Variants in CLVS1 observed in about 807,000 individuals in gnomAD.
The protein encoded by CLVS1 is clavesin 1.
In CLVS1, 10 loss-of-function variants were observed where a neutral mutation model predicts 33.1. The observed-to-expected ratio is 0.30, with a 90% CI of 0.19 to 0.51. The LOEUF (loss-of-function observed/expected upper bound fraction) is 0.51, where lower values mean the gene tolerates loss of function less well. Ranked by LOEUF, CLVS1 falls within the 20% of genes least tolerant of loss-of-function variation. The pLI is 0.97. For synonymous variants in CLVS1, 163 were observed against 166.1 expected, an observed-to-expected ratio of 0.98 and a Z score of 0.14; for missense variants, 343 against 433.4, an observed-to-expected ratio of 0.79 and a Z score of 1.85.
intron 2 of CLVS1, among the ~76,000 whole-genome samples, chr8:61,211,129 C>T (rs1370274781): frequency 2.0e-5 from 3 of 152,030 alleles, no homozygotes; most frequent in African/African-American, 7.3e-5. Context: ...ATGTACGAAT[C>T]GTGGGGGACC....
At chr8:61,283,804 T>TA (rs1809721891), upstream of CLVS1, among the ~76,000 whole-genome samples, 1 of 152,158 alleles carries the variant, frequency 6.6e-6, no homozygotes, top group Non-Finnish European at 1.5e-5. Flanking sequence ...AGTGCTGAAT[T>TA]AAAAAATAAA....
Position 61,263,087 on chromosome 8 carries a change from G to A in CLVS1, c.-151-36590G>A, listed in dbSNP as rs760200965. Among the ~76,000 whole-genome samples, 110 of 152,250 alleles carry A rather than the reference G, an allele frequency of 7.2e-4. 2 individuals carry two copies. In the Middle Eastern group the frequency reaches 0.031, roughly 42 times the overall value. On this transcript the variant is annotated intron_variant, in intron 2 of 2. Transcript: ENST00000522621. ...GAGCCAGAAAGAGTCACCTCCCTGG[G>A]AAACTTGATAGATGAAAAATGACCC...
chr8:61,432,720 T>C (rs1284040008), intron 3 of CLVS1, among the ~76,000 whole-genome samples: 4 of 152,152 alleles, frequency 2.6e-5, no homozygotes, highest in Non-Finnish European at 5.9e-5. Context: ...ATAACAAAAA[T>C]CTTATACTTG....
intron 3 of CLVS1, among the ~76,000 whole-genome samples, chr8:61,424,060 C>T (rs1023672381): frequency 3.3e-5 from 5 of 152,188 alleles, no homozygotes; most frequent in Non-Finnish European, 5.9e-5. Context: ...CATGCACACA[C>T]GCATACAGTA....
At chr8:60,970,930 A>T in the CLVS1 span, among the ~76,000 whole-genome samples, 1 of 151,486 alleles carries the variant, frequency 6.6e-6, no homozygotes, top group Non-Finnish European at 1.5e-5. Context: ...TTTATTTTCC[A>T]TCTCAGTCCT....
chr8:61,309,443 TC>T (rs1810757280), intron 2 of CLVS1, among the ~76,000 whole-genome samples: 1 of 152,170 alleles, frequency 6.6e-6, no homozygotes, highest in South Asian at 2.1e-4. Flanking sequence ...TTCTCTCACC[TC>T]CAAACCCCTC....
chr8:61,490,587 G>T (rs1226048885), intron 5 of CLVS1, among the ~76,000 whole-genome samples: 1 of 150,600 alleles, frequency 6.6e-6, no homozygotes, highest in Non-Finnish European at 1.5e-5. Context: ...AGAATCCAGG[G>T]GCGGAGACTG....
intron 2 of CLVS1, among the ~76,000 whole-genome samples, chr8:61,303,365 T>C (rs1352215920): frequency 6.6e-6 from 1 of 152,208 alleles, no homozygotes; most frequent in Non-Finnish European, 1.5e-5. Context: ...CTCAATTCTC[T>C]CTTGTGTAAA....
At chr8:61,259,963 C>A (rs1418457669) in intron 2 of CLVS1, among the ~76,000 whole-genome samples, 1 of 152,164 alleles carries the variant, frequency 6.6e-6, no homozygotes, top group East Asian at 1.9e-4. Context: ...CGTGGCATAG[C>A]CCTGCAGTAA....
chr8:61,465,121 TAA>T (rs1200228947), intron 5 of CLVS1: 1 of 152,350 alleles, frequency 6.6e-6, no homozygotes, highest in Non-Finnish European at 1.5e-5. Flanking sequence ...GTGGCCTTGT[TAA>T]AAAGCACTTG....
intron 2 of CLVS1, among the ~76,000 whole-genome samples, chr8:61,232,644 TA>T (rs1318212387): frequency 6.6e-6 from 1 of 152,204 alleles, no homozygotes; most frequent in Non-Finnish European, 1.5e-5. Context: ...ATAGTCTTCT[TA>T]ATATATGGAT....
At chr8:61,231,951 G>A (rs1481292303) in intron 2 of CLVS1, among the ~76,000 whole-genome samples, 1 of 150,760 alleles carries the variant, frequency 6.6e-6, no homozygotes, top group Non-Finnish European at 1.5e-5. Flanking sequence ...GTATTTTGCT[G>A]AAGTAACATT....
the CLVS1 span, among the ~76,000 whole-genome samples, chr8:61,034,506 T>C: frequency 6.6e-6 from 1 of 152,156 alleles, no homozygotes; most frequent in Admixed American, 6.5e-5. Flanking sequence ...TGAAACTTTG[T>C]ACCATTTGAC....
At chr8:61,111,764 C>CT (rs1214663284) in intron 1 of CLVS1, among the ~76,000 whole-genome samples, 2 of 144,944 alleles carry the variant, frequency 1.4e-5, no homozygotes, top group Non-Finnish European at 3.0e-5. Context: ...TATTACCCTT[C>CT]TTTAAAAAAA....
At chr8:61,073,884 C>T (rs758867464) in intron 1 of CLVS1, among the ~76,000 whole-genome samples, 37 of 151,478 alleles carry the variant, frequency 2.4e-4, no homozygotes, top group Non-Finnish European at 4.6e-4. Flanking sequence ...AGGTGGCGGG[C>T]GCCTGTAGTC....
intron 2 of CLVS1, among the ~76,000 whole-genome samples, chr8:61,331,270 TC>T (rs1249112244): frequency 6.6e-6 from 1 of 152,172 alleles, no homozygotes; most frequent in Non-Finnish European, 1.5e-5. Flanking sequence ...TCTGTTTTTT[TC>T]TGGAGCCTTT....
chr8:61,129,154 G>T (rs962955717), intron 1 of CLVS1, among the ~76,000 whole-genome samples: 2 of 152,250 alleles, frequency 1.3e-5, no homozygotes, highest in Non-Finnish European at 2.9e-5. Flanking sequence ...AGATGGAATT[G>T]TCTGTAGCTA....
rs146608482 is a variant in CLVS1, at chr8:61,353,133, T to A, written c.456-23472T>A. ...GCAATTATAGTTGGGGACCTCAACCTCCCCACCCTCAGCAACTGATAGAAC... is the reference window on the plus strand; with the variant it reads ...GCAATTATAGTTGGGGACCTCAACCACCCCACCCTCAGCAACTGATAGAAC... On this transcript the variant is annotated intron_variant, in intron 2 of 5. Coordinates refer to ENST00000325897, the MANE Select transcript of CLVS1 (RefSeq NM_173519.3). Among the ~76,000 whole-genome samples the A allele has an allele frequency of 3.2e-3, 493 of 151,968 alleles. 3 individuals are homozygous for A. Among genetic ancestry groups the A allele is most frequent in the African/African-American group, 0.011 (467 of 41,494 alleles).
intron 2 of CLVS1, among the ~76,000 whole-genome samples, chr8:61,340,090 GAAAA>G (rs1188539581): frequency 1.3e-5 from 2 of 151,434 alleles, no homozygotes; most frequent in Non-Finnish European, 2.9e-5. Context: ...AGGAAAGAAA[GAAAA>G]AGAAAGAAAA....
Sources: allele counts gnomAD v4.1 joint callset (sites outside exome capture counted in the v4.1 genomes callset), GRCh38; gene constraint gnomAD v4.1.1; transcripts MANE v1.5; gene names NCBI Gene and HGNC (gene_info 2026-07-23, HGNC 2026-07-21).